Variants in SLC41A2 observed in about 807,000 individuals in gnomAD.
The protein encoded by SLC41A2 is solute carrier family 41 member 2, also known as SLC41A1-like 1.
Under a neutral mutation model 58.3 loss-of-function variants are expected in SLC41A2, and 32 were observed. The observed-to-expected ratio is 0.55, with a 90% CI of 0.41 to 0.74. The LOEUF (loss-of-function observed/expected upper bound fraction) is 0.74, where lower values mean the gene tolerates loss of function less well. SLC41A2 is among the 30% of genes least tolerant of loss of function. The probability of loss-of-function intolerance (pLI) is 0.00; values close to 1 mark genes in which losing one functional copy is unlikely to be tolerated. For missense variants in SLC41A2, 514 were observed against 680.6 expected, an observed-to-expected ratio of 0.76 and a Z score of 2.72; for synonymous variants, 190 against 235.0, an observed-to-expected ratio of 0.81 and a Z score of 1.75.
chr12:104,875,723 T>TTTG (rs2044008913), intron 6 of SLC41A2, among the ~76,000 whole-genome samples: 2 of 152,010 alleles, frequency 1.3e-5, no homozygotes, highest in South Asian at 4.1e-4. Flanking sequence ...AGCCAAGGAG[T>TTTG]TCAAGGCTGC....
At chr12:104,906,369 T>C (rs1329679268) in intron 3 of SLC41A2, among the ~76,000 whole-genome samples, 2 of 152,152 alleles carry the variant, frequency 1.3e-5, no homozygotes, top group East Asian at 1.9e-4. Context: ...TGGGTGTTTG[T>C]TGGAGGTGTA....
intron 8 of SLC41A2, among the ~76,000 whole-genome samples, chr12:104,849,071 T>C (rs1043316262): frequency 2.0e-5 from 3 of 152,128 alleles, no homozygotes; most frequent in South Asian, 2.1e-4. Context: ...AAATTCCACA[T>C]GATTAAAGAC....
intron 3 of SLC41A2, among the ~76,000 whole-genome samples, chr12:104,906,974 TC>T (rs1472952485): frequency 6.6e-6 from 1 of 152,214 alleles, no homozygotes; most frequent in Non-Finnish European, 1.5e-5. Context: ...GAATCATCCA[TC>T]ATCACATTAT....
intron 4 of SLC41A2, among the ~76,000 whole-genome samples, chr12:104,893,688 A>G (rs1330071035): frequency 3.3e-5 from 5 of 152,336 alleles, no homozygotes; most frequent in African/African-American, 1.2e-4. Flanking sequence ...AAAAAGAATG[A>G]TATCTGTCAT....
chr12:104,819,413 T>C (rs2041540240), intron 10 of SLC41A2, among the ~76,000 whole-genome samples: 1 of 152,070 alleles, frequency 6.6e-6, no homozygotes, highest in Non-Finnish European at 1.5e-5. Context: ...TGAAAATAAA[T>C]GAGCTATGTA....
chr12:104,883,420 C>G (rs1210993123), intron 6 of SLC41A2, among the ~76,000 whole-genome samples: 3 of 152,194 alleles, frequency 2.0e-5, no homozygotes, highest in African/African-American at 7.2e-5. Flanking sequence ...GAATTTTCAG[C>G]TTTTCTGCTC....
At chr12:104,822,344 C>T (rs899582744) in intron 10 of SLC41A2, among the ~76,000 whole-genome samples, 3 of 152,132 alleles carry the variant, frequency 2.0e-5, no homozygotes, top group African/African-American at 7.2e-5. Context: ...TACTACCATG[C>T]CCACTTCAAA....
At chr12:104,951,714 T>C (rs2047964289) in intron 1 of SLC41A2, among the ~76,000 whole-genome samples, 1 of 151,938 alleles carries the variant, frequency 6.6e-6, no homozygotes. Flanking sequence ...ATCTATTTTC[T>C]GTTGATTCTT....
chr12:104,813,206 A>T (rs531861100), intron 10 of SLC41A2, among the ~76,000 whole-genome samples: 74 of 152,202 alleles, frequency 4.9e-4, no homozygotes, highest in Non-Finnish European at 8.5e-4. Context: ...AAAATAAAAA[A>T]TTCAGAAATG....
At chr12:104,873,071 T>C (rs1422759218) in intron 6 of SLC41A2, among the ~76,000 whole-genome samples, 1 of 152,196 alleles carries the variant, frequency 6.6e-6, no homozygotes, top group East Asian at 1.9e-4. Flanking sequence ...CTTCTAGTTA[T>C]AACTATAGTC....
At chr12:104,857,023 TAAC>T (rs940040812) in intron 8 of SLC41A2, among the ~76,000 whole-genome samples, 10 of 152,134 alleles carry the variant, frequency 6.6e-5, no homozygotes, top group African/African-American at 2.4e-4. Context: ...CAAAAAATAA[TAAC>T]AATATATTAC....
At chr12:104,914,006 G>A (rs1345472368) in intron 2 of SLC41A2, among the ~76,000 whole-genome samples, 1 of 152,138 alleles carries the variant, frequency 6.6e-6, no homozygotes, top group African/African-American at 2.4e-5. Context: ...AAGTTGCAGT[G>A]AGCTGAGACG....
chr12:104,817,930 G>A (rs1001223036), intron 10 of SLC41A2, among the ~76,000 whole-genome samples: 2 of 152,038 alleles, frequency 1.3e-5, no homozygotes, highest in Non-Finnish European at 2.9e-5. Flanking sequence ...CCAAAACCTT[G>A]ATACACAGCA....
At chr12:104,805,407 C>T in intron 10 of SLC41A2, 70 bp from the exon 11 acceptor site, 1 of 1,356,886 alleles carries the variant, frequency 7.4e-7, no homozygotes, top group Non-Finnish European at 1.0e-6. Context: ...GGCCACAAGC[C>T]TAAACCACTG....
chr12:104,834,263 C>CACAACA lies in SLC41A2; in HGVS notation c.1536+10208_1536+10209insTGTTGT, dbSNP rs367704101. The CACAACA allele has an allele frequency of 5.9e-4, 468 of 798,522 alleles. 2 individuals carry two copies. The highest frequency in any genetic ancestry group is 5.1e-3 in the Middle Eastern group (8 of 1,584). 49.5% of individuals were successfully genotyped at this position (798,522 alleles called of 1,614,324 possible). ...AACCTAAGCTATAATAGCATAATCA[C>CACAACA]ACATAACAAAAATGCAATCACGAGG... On this transcript the variant is annotated intron_variant, in intron 10 of 10. Coordinates refer to ENST00000258538, the MANE Select transcript of SLC41A2 (RefSeq NM_001352171.3).
chr12:104,812,706 G>T (rs1396513593), intron 10 of SLC41A2, among the ~76,000 whole-genome samples: 1 of 152,146 alleles, frequency 6.6e-6, no homozygotes, highest in East Asian at 1.9e-4. Flanking sequence ...GATGACAGCT[G>T]TGCAGTGGCC....
chr12:104,879,035 G>A (rs986575884), intron 6 of SLC41A2, among the ~76,000 whole-genome samples: 1 of 152,172 alleles, frequency 6.6e-6, no homozygotes, highest in African/African-American at 2.4e-5. Flanking sequence ...TCTCATTGTG[G>A]TTTTGATTTG....
At chr12:104,838,718 A>G (rs896844283) in intron 10 of SLC41A2, among the ~76,000 whole-genome samples, 1 of 152,208 alleles carries the variant, frequency 6.6e-6, no homozygotes, top group African/African-American at 2.4e-5. Flanking sequence ...AATTTAATTT[A>G]TTCTGAAGTT....
intron 1 of SLC41A2, among the ~76,000 whole-genome samples, chr12:104,951,829 C>A (rs2047968768): frequency 6.7e-6 from 1 of 149,970 alleles, no homozygotes; most frequent in South Asian, 2.2e-4. Flanking sequence ...CTTACTTTTG[C>A]ACCAACCTAA....
Sources: allele counts gnomAD v4.1 joint callset (sites outside exome capture counted in the v4.1 genomes callset), GRCh38; gene constraint gnomAD v4.1.1; transcripts MANE v1.5; gene names NCBI Gene and HGNC (gene_info 2026-07-23, HGNC 2026-07-21).